The following SLC14A2 variants were observed in gnomAD, a reference collection of about 807,000 sequenced individuals.
SLC14A2 encodes the protein solute carrier family 14 member 2, also known as urea transporter 2.
A neutral mutation model predicts 104.6 loss-of-function variants in SLC14A2; 91 were observed. That is an observed-to-expected ratio of 0.87 (90% CI 0.73 to 1.04). The LOEUF (loss-of-function observed/expected upper bound fraction) is 1.04, where lower values mean the gene tolerates loss of function less well. Among genes scored for constraint, SLC14A2 ranks in the 50% least tolerant of loss-of-function variants. SLC14A2 has a pLI of 0.00. For synonymous variants in SLC14A2, 476 were observed against 466.4 expected, an observed-to-expected ratio of 1.02 and a Z score of -0.27; for missense variants, 1,189 against 1,156.0, an observed-to-expected ratio of 1.03 and a Z score of -0.41.
intron 2 of SLC14A2, among the ~76,000 whole-genome samples, chr18:45,575,177 G>A (rs2044402347): frequency 6.6e-6 from 1 of 152,082 alleles, no homozygotes; most frequent in East Asian, 1.9e-4. Flanking sequence ...TCAGAGTGGG[G>A]AATCTGAATC....
At chr18:45,438,166 A>G (rs545980046) in intron 1 of SLC14A2, 2 of 152,226 alleles carry the variant, frequency 1.3e-5, no homozygotes, top group Non-Finnish European at 2.9e-5. Context: ...GTAGGTACTC[A>G]GCGAATATTT....
chr18:45,499,922 C>T (rs776088028), intron 2 of SLC14A2, among the ~76,000 whole-genome samples: 7 of 152,190 alleles, frequency 4.6e-5, no homozygotes, highest in African/African-American at 7.2e-5. Context: ...TCTCTCTCCA[C>T]GTGCATTAAT....
chr18:45,202,311 G>T, the SLC14A2 span, among the ~76,000 whole-genome samples: 3 of 151,860 alleles, frequency 2.0e-5, no homozygotes, highest in African/African-American at 7.3e-5. Flanking sequence ...AGATATTGAG[G>T]CTTAAAGGGA....
At chr18:45,235,968 C>T (rs1181637337) in intron 1 of SLC14A2, among the ~76,000 whole-genome samples, 286 of 40,686 alleles carry the variant, frequency 7.0e-3, no homozygotes, top group Non-Finnish European at 1.0e-2. Context: ...TGTATATATA[C>T]ATATATGTGT....
At chr18:45,640,523 G>A (rs998307905) in intron 7 of SLC14A2, among the ~76,000 whole-genome samples, 11 of 152,142 alleles carry the variant, frequency 7.2e-5, no homozygotes, top group South Asian at 4.1e-4. Flanking sequence ...CTGTGTATAT[G>A]TATGTATACA....
intron 1 of SLC14A2, among the ~76,000 whole-genome samples, chr18:45,350,592 A>G (rs1307236644): frequency 6.6e-6 from 1 of 152,188 alleles, no homozygotes; most frequent in Non-Finnish European, 1.5e-5. Flanking sequence ...CGGGTCACAC[A>G]TTAGGTACCT....
intron 2 of SLC14A2, among the ~76,000 whole-genome samples, chr18:45,544,946 C>G (rs971563405): frequency 2.0e-5 from 3 of 152,034 alleles, no homozygotes; most frequent in African/African-American, 7.2e-5. Context: ...GCATGCAACA[C>G]CATGCCCGGC....
upstream of SLC14A2, among the ~76,000 whole-genome samples, chr18:45,210,206 A>G (rs1490391118): frequency 6.6e-6 from 1 of 152,214 alleles, no homozygotes; most frequent in Non-Finnish European, 1.5e-5. Context: ...AGTTGGTATC[A>G]CTTTCTGCAC....
chr18:45,649,376 C>T (rs1160525739), intron 10 of SLC14A2, among the ~76,000 whole-genome samples: 1 of 152,136 alleles, frequency 6.6e-6, no homozygotes, highest in African/African-American at 2.4e-5. Context: ...AGCTATCTCC[C>T]ACTCCTAAAT....
chr18:45,463,425 T>A (rs1386344217), intron 1 of SLC14A2, among the ~76,000 whole-genome samples: 1 of 152,178 alleles, frequency 6.6e-6, no homozygotes, highest in Non-Finnish European at 1.5e-5. Flanking sequence ...AGGGAGATGA[T>A]GAGGGGGGAG....
intron 1 of SLC14A2, among the ~76,000 whole-genome samples, chr18:45,443,837 C>G (rs1199953784): frequency 6.6e-6 from 1 of 152,160 alleles, no homozygotes; most frequent in Non-Finnish European, 1.5e-5. Flanking sequence ...GGCATTCCCT[C>G]TCTTCATTTG....
At chr18:45,396,276 A>G (rs766788179) in intron 1 of SLC14A2, among the ~76,000 whole-genome samples, 2 of 152,164 alleles carry the variant, frequency 1.3e-5, no homozygotes, top group Non-Finnish European at 2.9e-5. Context: ...TGATCCCACA[A>G]TCCTTTCTAT....
chr18:45,535,695 C>T (rs907668139), intron 2 of SLC14A2, among the ~76,000 whole-genome samples: 6 of 152,164 alleles, frequency 3.9e-5, no homozygotes, highest in South Asian at 2.1e-4. Context: ...CTTGCATGGA[C>T]ACAAAATGAA....
chr18:45,344,424 A>G (rs559949655), intron 1 of SLC14A2, among the ~76,000 whole-genome samples: 13 of 152,320 alleles, frequency 8.5e-5, no homozygotes, highest in South Asian at 4.1e-4. Context: ...ACAGCTTCCT[A>G]TAACACCCTT....
chr18:45,529,240 A>T (rs1324346300), intron 2 of SLC14A2: 1 of 152,218 alleles, frequency 6.6e-6, no homozygotes, highest in East Asian at 1.9e-4. Context: ...AACACAGTCA[A>T]AACAGCTATT....
Position 45,625,679 on chromosome 18 carries a change from A to C in SLC14A2, c.151-4A>C. 1 of 1,540,020 alleles carries C rather than the reference A, an allele frequency of 6.5e-7. No homozygotes were observed. The highest frequency in any genetic ancestry group is 8.7e-7 in the Non-Finnish European group (1 of 1,149,016). Reference sequence around the variant, plus strand: ...TTTGATGTCTGGTTGGTTTCTCCTAAAAGGATCTCCGGTCTTCCAATGAAG... The same window carrying C: ...TTTGATGTCTGGTTGGTTTCTCCTACAAGGATCTCCGGTCTTCCAATGAAG... On this transcript the variant is annotated splice_polypyrimidine_tract_variant and splice_region_variant and intron_variant, in intron 2 of 19. Coordinates refer to ENST00000255226, the MANE Select transcript of SLC14A2 (RefSeq NM_007163.4).
the SLC14A2 span, among the ~76,000 whole-genome samples, chr18:45,178,405 A>G: frequency 6.6e-6 from 1 of 152,164 alleles, no homozygotes; most frequent in Non-Finnish European, 1.5e-5. Flanking sequence ...GCAAGAAAAC[A>G]TAGCAGAATA....
At chr18:45,367,745 T>TTTGTTG (rs139963661) in intron 1 of SLC14A2, among the ~76,000 whole-genome samples, 11,786 of 151,930 alleles carry the variant, frequency 0.078, 641 homozygotes, top group Non-Finnish European at 0.11. Context: ...AAATCAAATT[T>TTTGTTG]TTGTTGTTGT....
At position 45,223,242 on chromosome 18, in the gene SLC14A2, G is replaced by A. The variant is rs192282846; in HGVS notation, c.-125+10051G>A. Among the ~76,000 whole-genome samples the A allele has an allele frequency of 1.8e-3, 268 of 152,208 alleles. 1 individual carries two copies. The highest frequency in any genetic ancestry group is 1.9e-4 in the East Asian group (1 of 5,172). On this transcript the variant is annotated intron_variant, in intron 1 of 20. Coordinates refer to the SLC14A2 transcript ENST00000586448. ...GGGACTTAGGCTCTTGTCTCTGGTC[G>A]CTGGGAGCTCACAATCACTGCGTGT...
Sources: allele counts gnomAD v4.1 joint callset (sites outside exome capture counted in the v4.1 genomes callset), GRCh38; gene constraint gnomAD v4.1.1; transcripts MANE v1.5; gene names NCBI Gene and HGNC (gene_info 2026-07-23, HGNC 2026-07-21).